Variants in NELL1 observed in about 807,000 individuals in gnomAD.
NELL1 encodes the protein neural EGFL like 1.
In NELL1, 76 loss-of-function variants were observed where a neutral mutation model predicts 107.4. The ratio of observed to expected loss-of-function variants is 0.71; its 90% CI spans 0.59 to 0.86. NELL1 has a LOEUF of 0.86. Ranked by LOEUF, NELL1 falls within the 40% of genes least tolerant of loss-of-function variation. NELL1 has a pLI of 0.00. For missense variants in NELL1, 1,024 were observed against 1,005.5 expected (o/e 1.02, Z -0.25); for synonymous variants, 353 against 341.2 (o/e 1.03, Z -0.38).
At chr11:21,409,291 T>A (rs1440071533) in intron 15 of NELL1, among the ~76,000 whole-genome samples, 1 of 152,060 alleles carries the variant, frequency 6.6e-6, no homozygotes, top group Non-Finnish European at 1.5e-5. Flanking sequence ...GGGACATGGA[T>A]GAAATTGGAA....
intron 13 of NELL1, among the ~76,000 whole-genome samples, chr11:21,218,294 C>A (rs1410242615): frequency 6.6e-6 from 1 of 151,962 alleles, no homozygotes; most frequent in South Asian, 2.1e-4. Flanking sequence ...AACCATTCTG[C>A]CTGAACTATT....
chr11:21,473,035 A>G (rs1854223928), intron 15 of NELL1, among the ~76,000 whole-genome samples: 1 of 152,092 alleles, frequency 6.6e-6, no homozygotes, highest in African/African-American at 2.4e-5. Flanking sequence ...ACAGGAAAGT[A>G]GGAACTAAAA....
At chr11:21,487,058 AATGG>A (rs1272005913) in intron 15 of NELL1, among the ~76,000 whole-genome samples, 1 of 152,190 alleles carries the variant, frequency 6.6e-6, no homozygotes, top group Non-Finnish European at 1.5e-5. Context: ...TTAATGAAAT[AATGG>A]ATGGAAACCA....
intron 15 of NELL1, 65 bp downstream of exon 15, chr11:21,371,013 T>C (rs1851348839): frequency 1.7e-6 from 2 of 1,166,586 alleles, no homozygotes; most frequent in Non-Finnish European, 2.5e-6. Context: ...TCAGAAAGAA[T>C]AACAGCTCTT....
At chr11:20,859,531 GT>G (rs1301168842) in intron 4 of NELL1, among the ~76,000 whole-genome samples, 1 of 152,186 alleles carries the variant, frequency 6.6e-6, no homozygotes. Flanking sequence ...TTCTTCAAAT[GT>G]GGAGTAGACG....
intron 3 of NELL1, among the ~76,000 whole-genome samples, chr11:20,786,304 T>G (rs1856954393): frequency 6.8e-6 from 1 of 146,086 alleles, no homozygotes; most frequent in African/African-American, 2.6e-5. Flanking sequence ...GAGCCAAGAT[T>G]GCACCATCGC....
At chr11:20,986,098 A>T (rs1851847614) in intron 12 of NELL1, among the ~76,000 whole-genome samples, 1 of 152,100 alleles carries the variant, frequency 6.6e-6, no homozygotes, top group East Asian at 1.9e-4. Flanking sequence ...CTTTAATTTG[A>T]TGCCTGTTGG....
chr11:21,179,505 G>A (rs147219477), intron 13 of NELL1, among the ~76,000 whole-genome samples: 5 of 151,954 alleles, frequency 3.3e-5, no homozygotes, highest in Non-Finnish European at 1.5e-5. Context: ...TAGCAGGTGA[G>A]CACAGGCATG....
At chr11:21,390,719 A>G (rs772164258) in intron 15 of NELL1, among the ~76,000 whole-genome samples, 6 of 151,738 alleles carry the variant, frequency 4.0e-5, no homozygotes, top group Admixed American at 2.6e-4. Context: ...TAATTTTGTT[A>G]TTGCTGTTTG....
chr11:21,072,386 A>T (rs1010662616), intron 12 of NELL1, among the ~76,000 whole-genome samples: 2 of 152,176 alleles, frequency 1.3e-5, no homozygotes, highest in African/African-American at 4.8e-5. Context: ...ATTGTCCTGT[A>T]TAAGGTGATC....
chr11:20,957,333 C>T lies in NELL1; in HGVS notation c.1172-3099C>T, dbSNP rs1363281763. ...GCTAGACTTTATTCCACCTGTGTGG[C>T]TCAACCTTCAAGCACTAAGACAAAA... is the stretch of plus-strand genomic sequence containing the variant. On this transcript the variant is annotated intron_variant, in intron 11 of 19. Transcript: ENST00000357134. Among the ~76,000 whole-genome samples the T allele has an allele frequency of 2.0e-5, 3 of 152,212 alleles. No homozygotes were observed. In the South Asian group the frequency reaches 6.2e-4, roughly 32 times the overall value.
chr11:20,740,346 C>T (rs1194752918), intron 2 of NELL1, among the ~76,000 whole-genome samples: 1 of 152,190 alleles, frequency 6.6e-6, no homozygotes, highest in Non-Finnish European at 1.5e-5. Flanking sequence ...GCAGTCCCTG[C>T]CATCTCTGGG....
At chr11:21,132,628 G>C (rs1395680421) in intron 13 of NELL1, among the ~76,000 whole-genome samples, 1 of 152,172 alleles carries the variant, frequency 6.6e-6, no homozygotes, top group African/African-American at 2.4e-5. Context: ...CCTGAACAAG[G>C]GGAATACGTT....
At chr11:21,410,819 C>A (rs368792710) in intron 15 of NELL1, among the ~76,000 whole-genome samples, 1 of 152,018 alleles carries the variant, frequency 6.6e-6, no homozygotes, top group Non-Finnish European at 1.5e-5. Flanking sequence ...CTGGAGCATA[C>A]GGCGTGTGCC....
intron 14 of NELL1, among the ~76,000 whole-genome samples, chr11:21,365,064 C>T (rs555500703): frequency 2.6e-5 from 4 of 152,260 alleles, no homozygotes; most frequent in Admixed American, 1.3e-4. Flanking sequence ...AGCTGTTTTG[C>T]GCAGCTTTGC....
chr11:20,749,810 G>A (rs1483471541), intron 2 of NELL1, among the ~76,000 whole-genome samples: 1 of 151,962 alleles, frequency 6.6e-6, no homozygotes, highest in Non-Finnish European at 1.5e-5. Context: ...TAGATGAATA[G>A]AATACTACTA....
At chr11:20,908,969 A>G (rs2134144355) in intron 5 of NELL1, among the ~76,000 whole-genome samples, 1 of 152,330 alleles carries the variant, frequency 6.6e-6, no homozygotes, top group South Asian at 2.1e-4. Flanking sequence ...AACTTGGTAT[A>G]TGTATCCAGT....
intron 16 of NELL1, among the ~76,000 whole-genome samples, chr11:21,554,978 G>A (rs866675267): frequency 3.4e-4 from 51 of 152,004 alleles, no homozygotes; most frequent in African/African-American, 1.2e-3. Context: ...CTTCCACTAA[G>A]GAGAAAGAGA....
chr11:21,301,295 T>G (rs1849486504), intron 14 of NELL1, among the ~76,000 whole-genome samples: 1 of 152,136 alleles, frequency 6.6e-6, no homozygotes, highest in African/African-American at 2.4e-5. Context: ...GTATTTCTAG[T>G]TTTAGATCCT....
Sources: gnomAD v4.1 joint callset for allele counts (sites outside exome capture counted in the v4.1 genomes callset) on GRCh38, gnomAD v4.1.1 for gene constraint, MANE v1.5 for transcripts, NCBI Gene and HGNC (gene_info 2026-07-23, HGNC 2026-07-21) for gene names.